RBFOX1: variants seen among roughly 807,000 people sequenced by gnomAD.
RBFOX1 encodes the protein RNA binding fox-1 homolog 1.
Under a neutral mutation model 57.7 loss-of-function variants are expected in RBFOX1, and 8 were observed. That is an observed-to-expected ratio of 0.14 (90% CI 0.08 to 0.25). The LOEUF is 0.25. RBFOX1 is among the 10% of genes least tolerant of loss of function. The probability of loss-of-function intolerance (pLI) is 1.00; values close to 1 mark genes in which losing one functional copy is unlikely to be tolerated. For synonymous variants in RBFOX1, 326 were observed against 222.4 expected (o/e 1.47, Z -4.15); for missense variants, 611 against 548.5 (o/e 1.11, Z -1.14).
chr16:5,710,327 C>T (rs1596886664), intron 3 of RBFOX1, among the ~76,000 whole-genome samples: 1 of 152,156 alleles, frequency 6.6e-6, no homozygotes, highest in African/African-American at 2.4e-5. Flanking sequence ...GTTGCTTTCA[C>T]TGCGCTCTCT....
chr16:7,196,222 C>T (rs746807654), intron 4 of RBFOX1, among the ~76,000 whole-genome samples: 6 of 152,068 alleles, frequency 3.9e-5, no homozygotes, highest in Non-Finnish European at 7.4e-5. Context: ...ATAATGATTC[C>T]GTTAACTCAG....
At chr16:5,371,113 A>G (rs1258481419) in intron 1 of RBFOX1, among the ~76,000 whole-genome samples, 1 of 151,918 alleles carries the variant, frequency 6.6e-6, no homozygotes, top group Non-Finnish European at 1.5e-5. Flanking sequence ...ACGCCCGGCT[A>G]ATTTTTGTAT....
intron 3 of RBFOX1, among the ~76,000 whole-genome samples, chr16:7,004,517 C>G (rs1019591433): frequency 1.3e-5 from 2 of 152,164 alleles, no homozygotes; most frequent in East Asian, 1.9e-4. Context: ...TGCCAGCACT[C>G]CAAGAGAGAG....
intron 4 of RBFOX1, among the ~76,000 whole-genome samples, chr16:7,343,057 G>A (rs1470737389): frequency 6.6e-6 from 1 of 152,138 alleles, no homozygotes; most frequent in Non-Finnish European, 1.5e-5. Flanking sequence ...AGAGAGGCCT[G>A]TCCCCTCCGT....
intron 2 of RBFOX1, among the ~76,000 whole-genome samples, chr16:5,510,914 A>G (rs1038248467): frequency 6.6e-6 from 1 of 152,166 alleles, no homozygotes; most frequent in Non-Finnish European, 1.5e-5. Flanking sequence ...GTTGAGAACT[A>G]CTGCTGTAAA....
intron 3 of RBFOX1, among the ~76,000 whole-genome samples, chr16:5,708,283 G>GA (rs2051325193): frequency 6.6e-6 from 1 of 152,110 alleles, no homozygotes; most frequent in African/African-American, 2.4e-5. Context: ...TCAAGCAGAT[G>GA]AAGTATGAGG....
At chr16:5,509,293 T>A (rs1213091745) in intron 2 of RBFOX1, among the ~76,000 whole-genome samples, 1 of 152,102 alleles carries the variant, frequency 6.6e-6, no homozygotes, top group Admixed American at 6.5e-5. Context: ...TCCATGCAGG[T>A]GAAATCACAG....
At chr16:7,055,436 G>A (rs952992036) in intron 4 of RBFOX1, among the ~76,000 whole-genome samples, 6 of 152,140 alleles carry the variant, frequency 3.9e-5, no homozygotes, top group African/African-American at 1.4e-4. Flanking sequence ...GCAGTGGTTT[G>A]CAATCCCTGT....
At chr16:6,813,867 G>A (rs1399835446) in intron 3 of RBFOX1, among the ~76,000 whole-genome samples, 1 of 152,068 alleles carries the variant, frequency 6.6e-6, no homozygotes, top group Non-Finnish European at 1.5e-5. Flanking sequence ...TCTGAGCTCA[G>A]CCAGCCCCTT....
chr16:7,324,201 C>G (rs1019012944), intron 4 of RBFOX1, among the ~76,000 whole-genome samples: 1 of 152,124 alleles, frequency 6.6e-6, no homozygotes, highest in Non-Finnish European at 1.5e-5. Flanking sequence ...CAAAGTATGC[C>G]TTGCAAGATG....
intron 3 of RBFOX1, among the ~76,000 whole-genome samples, chr16:6,886,424 C>T (rs554748087): frequency 9.2e-5 from 14 of 151,882 alleles, no homozygotes; most frequent in East Asian, 1.9e-4. Context: ...AATTTTGTCC[C>T]GCTATTGATT....
chr16:7,283,712 T>C (rs888629627), intron 4 of RBFOX1, among the ~76,000 whole-genome samples: 2 of 152,168 alleles, frequency 1.3e-5, no homozygotes, highest in African/African-American at 2.4e-5. Context: ...ACCCAGAGCT[T>C]GCCAGAAGTG....
chr16:7,290,911 CAG>C (rs2095757369), intron 4 of RBFOX1, among the ~76,000 whole-genome samples: 1 of 152,202 alleles, frequency 6.6e-6, no homozygotes, highest in Non-Finnish European at 1.5e-5. Context: ...GAAGAATAAA[CAG>C]AAACACACAG....
chr16:6,087,585 A>G (rs1343657880), intron 1 of RBFOX1, among the ~76,000 whole-genome samples: 3 of 152,176 alleles, frequency 2.0e-5, no homozygotes, highest in Non-Finnish European at 2.9e-5. Flanking sequence ...AATACTTTAA[A>G]TAACTATATA....
chr16:7,343,445 G>A (rs1385896516), intron 4 of RBFOX1, among the ~76,000 whole-genome samples: 1 of 152,148 alleles, frequency 6.6e-6, no homozygotes, highest in Non-Finnish European at 1.5e-5. Flanking sequence ...AGCTGGTATT[G>A]ACCAACAGTA....
At chr16:5,596,427 A>C (rs1227176982) in intron 2 of RBFOX1, among the ~76,000 whole-genome samples, 1 of 152,138 alleles carries the variant, frequency 6.6e-6, no homozygotes, top group Non-Finnish European at 1.5e-5. Context: ...AGTCCAACAC[A>C]ATGCAGTGAC....
chr16:7,613,754 G>A lies in RBFOX1; in HGVS notation c.676+6416G>A, dbSNP rs115147663. On this transcript the variant is annotated intron_variant, in intron 10 of 15. Coordinates refer to ENST00000550418, the MANE Select transcript of RBFOX1 (RefSeq NM_018723.4). Reference sequence around the variant, plus strand: ...CTTCCACCACCAAGAGTCTATTACCGTTAAGAGAATGACTTTTAGTCATAC... The same window carrying A: ...CTTCCACCACCAAGAGTCTATTACCATTAAGAGAATGACTTTTAGTCATAC... Among the ~76,000 whole-genome samples the A allele has an allele frequency of 1.7e-3, 258 of 151,838 alleles. 1 individual carries two copies. Among genetic ancestry groups the A allele is most frequent in the African/African-American group, 5.9e-3 (244 of 41,388 alleles).
intron 3 of RBFOX1, among the ~76,000 whole-genome samples, chr16:6,960,090 A>G (rs539785432): frequency 9.9e-5 from 15 of 152,162 alleles, no homozygotes; most frequent in African/African-American, 2.9e-4. Context: ...CCCATTTAGG[A>G]TTAAACAAGT....
intron 1 of RBFOX1, among the ~76,000 whole-genome samples, chr16:6,094,808 A>G (rs1312606205): frequency 6.6e-6 from 1 of 152,222 alleles, no homozygotes. Context: ...TCACGCCTGT[A>G]ATCCCAACAC....
Sources: gnomAD v4.1 joint callset for allele counts (sites outside exome capture counted in the v4.1 genomes callset) on GRCh38, gnomAD v4.1.1 for gene constraint, MANE v1.5 for transcripts, NCBI Gene and HGNC (gene_info 2026-07-23, HGNC 2026-07-21) for gene names.